Variants in PPIA observed in about 807,000 individuals in gnomAD.
The protein encoded by PPIA is peptidylprolyl isomerase A, also known as peptidyl-prolyl cis-trans isomerase A.
PPIA carries 2 observed loss-of-function variants against 15.3 expected under a neutral mutation model. The observed-to-expected ratio is 0.13, with a 90% CI of 0.05 to 0.41. The LOEUF (loss-of-function observed/expected upper bound fraction) is 0.41, where lower values mean the gene tolerates loss of function less well. PPIA is among the 10% of genes least tolerant of loss of function. The pLI, the probability that PPIA is intolerant of heterozygous loss-of-function variation, is 0.99. For synonymous variants in PPIA, 67 were observed against 73.1 expected (o/e 0.92, Z 0.43); for missense variants, 103 against 210.3 (o/e 0.49, Z 3.16).
At position 44,802,944 on chromosome 7, in the gene PPIA, T is replaced by C. The variant is rs1213449795; in HGVS notation, c.*1522T>C. The C allele has an allele frequency of 6.6e-6, 1 of 152,190 alleles. No individual in the cohort carries two copies. The highest frequency in any genetic ancestry group is 6.6e-5 in the Admixed American group (1 of 15,252). The allele number at this position is 152,190 out of a possible 1,614,324, so 9.4% of individuals were successfully genotyped here. A position where few individuals can be genotyped will look rare whatever the true frequency, so the allele number is the denominator to read the frequency against. Reference sequence around the variant, plus strand: ...GATCATTTGGTGTGTTGGGCAATTTTTGTTTTACTGTCTGGTTCCTTCTGC... The same window carrying C: ...GATCATTTGGTGTGTTGGGCAATTTCTGTTTTACTGTCTGGTTCCTTCTGC... On this transcript the variant is annotated 3_prime_UTR_variant, in exon 5 of 5. Transcript: ENST00000468812.
At position 44,796,712 on chromosome 7, in the gene PPIA, T is replaced by C. The variant is rs11539970; in HGVS notation, c.-13T>C. On this transcript the variant is annotated 5_prime_UTR_variant, in exon 1 of 5. Transcript: ENST00000468812. ...CAGACGCCACCGCCGAGGAAAACCG[T>C]GTACTATTAGCCATGGTCAACCCCA... 3.1e-6 allele frequency: 5 copies of C among 1,610,006 alleles called. No homozygotes were observed. The highest frequency in any genetic ancestry group is 2.2e-5 in the South Asian group (2 of 90,990).
rs367573962 is a variant in PPIA at position 44,799,242 on chromosome 7, T to C, written c.70-5T>C. On this transcript the variant is annotated splice_polypyrimidine_tract_variant and splice_region_variant and intron_variant, in intron 1 of 4. Transcript: ENST00000468812. Reference sequence around the variant, plus strand: ...ATGTTAATTAACTGTAATTTTCTCTTACAGCTGTTTGCAGACAAGGTCCCA... The same window carrying C: ...ATGTTAATTAACTGTAATTTTCTCTCACAGCTGTTTGCAGACAAGGTCCCA... The C allele has an allele frequency of 6.3e-5, 102 of 1,613,386 alleles. No homozygotes were observed. The highest frequency in any genetic ancestry group is 8.4e-5 in the Non-Finnish European group (99 of 1,179,758).
rs2116979757 is a variant in PPIA at position 44,797,039 on chromosome 7, G to A, written c.69+246G>A. Among the ~76,000 whole-genome samples, 3 of 152,250 alleles carry A rather than the reference G, an allele frequency of 2.0e-5. No homozygotes were observed. In the Middle Eastern group the frequency reaches 0.01, roughly 521 times the overall value. On this transcript the variant is annotated intron_variant, in intron 1 of 4. Coordinates refer to ENST00000468812, the MANE Select transcript of PPIA (RefSeq NM_021130.5). ...GAGGCCGTTGGGGGAGGGGGCCCGC[G>A]TCCGCCCGCCCGCCTCATGTGGCCG...
At chr7:44,801,253 T>A (rs1382064158) in intron 4 of PPIA, 34 bp from the exon 5 acceptor site, 1 of 1,610,092 alleles carries the variant, frequency 6.2e-7, no homozygotes, top group Non-Finnish European at 8.5e-7. Context: ...TTGTTTGTGG[T>A]TGCCAGTCAT....
intron 1 of PPIA, among the ~76,000 whole-genome samples, chr7:44,796,995 A>G (rs1392431679): frequency 1.3e-5 from 2 of 152,022 alleles, no homozygotes; most frequent in Non-Finnish European, 2.9e-5. Context: ...CGGCGGACAA[A>G]GGCAGGCGGG....
In PPIA at chr7:44,796,697, C is replaced by A. The variant is rs369225394; in HGVS notation, c.-28C>A. 5.0e-6 allele frequency: 8 copies of A among 1,607,328 alleles called. No homozygotes were observed. In the African/African-American group the frequency reaches 9.4e-5, roughly 19 times the overall value. ...GCTCGTGCCGTTTTGCAGACGCCAC[C>A]GCCGAGGAAAACCGTGTACTATTAG... is the stretch of plus-strand genomic sequence containing the variant. On this transcript the variant is annotated 5_prime_UTR_variant, in exon 1 of 5. Transcript: ENST00000468812.
rs2116994664 is a variant in PPIA at position 44,802,656 on chromosome 7, A to G, written c.*1234A>G. The G allele has an allele frequency of 6.6e-6, 1 of 152,290 alleles. No individual in the cohort carries two copies. Among genetic ancestry groups the G allele is most frequent in the Middle Eastern group, 3.4e-3 (1 of 294 alleles). 9.4% of individuals were successfully genotyped at this position (152,290 alleles called of 1,614,324 possible). A position where few individuals can be genotyped will look rare whatever the true frequency, so the allele number is the denominator to read the frequency against. On this transcript the variant is annotated 3_prime_UTR_variant, in exon 5 of 5. Coordinates refer to ENST00000468812, the MANE Select transcript of PPIA (RefSeq NM_021130.5). ...CCTGCAGTGAGGAGGTACTGCTTGTAGCATATAGAGCCTCTCCCTAGCTTT... is the reference window on the plus strand; with the variant it reads ...CCTGCAGTGAGGAGGTACTGCTTGTGGCATATAGAGCCTCTCCCTAGCTTT...
At chr7:44,797,073 C>T (rs989058476) in intron 1 of PPIA, among the ~76,000 whole-genome samples, 1 of 152,214 alleles carries the variant, frequency 6.6e-6, no homozygotes, top group African/African-American at 2.4e-5. Context: ...CGCGCCCTGT[C>T]CTGTCCGACG....
At chr7:44,796,888 C>A in intron 1 of PPIA, 95 bp downstream of exon 1, 1 of 1,349,876 alleles carries the variant, frequency 7.4e-7, no homozygotes, top group South Asian at 1.4e-5. Context: ...GCGGGGCGAC[C>A]CTGCTTGAGG....
At position 44,801,354 on chromosome 7, in the gene PPIA, C is replaced by T; in HGVS notation, c.430C>T (p.Arg144Cys). 6 of 1,602,640 alleles carry T rather than the reference C, an allele frequency of 3.7e-6. 1 individual carries two copies. The highest frequency in any genetic ancestry group is 3.3e-5 in the South Asian group (3 of 90,872). Residue 144 changes from arginine to cysteine, a missense_variant, in exon 5 of 5, where the codon CGC (arginine) becomes TGC (cysteine). Arg to Cys is a radical substitution (Grantham distance 180, BLOSUM62 -3). Transcript: ENST00000468812. ...CATGAATATTGTGGAGGCCATGGAG[C>T]GCTTTGGGTCCAGGAATGGCAAGAC... The part of the protein sequence containing the change: ...EGMNIVEAME[R>C]FGSRNGKTSK...
Position 44,799,448 on chromosome 7 carries a change from T to A in PPIA, c.157T>A (p.Phe53Ile), listed in dbSNP as rs779548625. ...EKGFGYKGSC[F>I]HRIIPGFMCQ... is the part of the protein sequence containing the mutation. ...AGGATTTGGTTATAAGGGTTCCTGCTTTCACAGAATTATTCCAGGGTTTAT... is the reference window on the plus strand; with the variant it reads ...AGGATTTGGTTATAAGGGTTCCTGCATTCACAGAATTATTCCAGGGTTTAT... The change falls in exon 3 of 5, where the codon TTT becomes ATT. Residue 53 changes from phenylalanine to isoleucine, a missense_variant. Transcript: ENST00000468812. The A allele has an allele frequency of 2.5e-6, 4 of 1,612,908 alleles. No individual in the cohort carries two copies. The highest frequency in any genetic ancestry group is 3.4e-6 in the Non-Finnish European group (4 of 1,179,942).
At chr7:44,799,521 C>T (rs1414024321) in intron 3 of PPIA, 41 bp downstream of exon 3, 3 of 1,599,922 alleles carry the variant, frequency 1.9e-6, no homozygotes, top group Non-Finnish European at 2.6e-6. Context: ...GGGTTGCTCC[C>T]TTCATTTGGG....
At position 44,801,590 on chromosome 7, in the gene PPIA, A is replaced by T; in HGVS notation, c.*168A>T. 1 of 562,054 alleles carries T rather than the reference A, an allele frequency of 1.8e-6. No individual in the cohort carries two copies. Among genetic ancestry groups the T allele is most frequent in the Non-Finnish European group, 3.2e-6 (1 of 317,224 alleles). 34.8% of individuals were successfully genotyped at this position (562,054 alleles called of 1,614,324 possible). On this transcript the variant is annotated 3_prime_UTR_variant, in exon 5 of 5. Coordinates refer to ENST00000468812, the MANE Select transcript of PPIA (RefSeq NM_021130.5). The stretch of plus-strand genomic sequence containing the variant: ...CCTCCCATGCCTAGCTGGATTGCAG[A>T]GTTAAGTTTATGATTATGAAATAAA...
intron 4 of PPIA, among the ~76,000 whole-genome samples, chr7:44,801,076 C>G (rs1044012604): frequency 6.6e-6 from 1 of 151,978 alleles, no homozygotes; most frequent in African/African-American, 2.4e-5. Flanking sequence ...CTTGGCCTCC[C>G]AAAGTGCTGG....
At chr7:44,800,881 G>C (rs182956448) in intron 4 of PPIA, among the ~76,000 whole-genome samples, 2 of 151,904 alleles carry the variant, frequency 1.3e-5, no homozygotes, top group African/African-American at 4.8e-5. Flanking sequence ...GCAGTGGCGC[G>C]ATCTCGGCTC....
In PPIA at chr7:44,799,011, C is replaced by G; in HGVS notation, c.70-236C>G. On this transcript the variant is annotated intron_variant, in intron 1 of 4. Transcript: ENST00000468812. ...AAAGTTTGAGACACTTTCTAGAAGT[C>G]TCACTATTTAAGTTATGACTAGTAT... 5.1e-6 allele frequency: 6 copies of G among 1,166,406 alleles called. No individual in the cohort carries two copies. The South Asian group carries it at 1.2e-4, about 23-fold the overall frequency. 72.3% of individuals were successfully genotyped at this position (1,166,406 alleles called of 1,614,324 possible).
At position 44,799,251 on chromosome 7, in the gene PPIA, T is replaced by G; in HGVS notation, c.74T>G (p.Phe25Cys). 6.2e-7 allele frequency: 1 copy of G among 1,613,700 alleles called. No individual in the cohort carries two copies. The highest frequency in any genetic ancestry group is 8.5e-7 in the Non-Finnish European group (1 of 1,179,852). ...EPLGRVSFELFADKVPKTAEN... is the reference protein window; with the variant it reads ...EPLGRVSFELCADKVPKTAEN... ...AACTGTAATTTTCTCTTACAGCTGTTTGCAGACAAGGTCCCAAAGACAGCA... is the reference window on the plus strand; with the variant it reads ...AACTGTAATTTTCTCTTACAGCTGTGTGCAGACAAGGTCCCAAAGACAGCA... The change falls in exon 2 of 5, where the codon TTT becomes TGT. Residue 25 changes from phenylalanine (F) to cysteine (C), a missense_variant. Transcript: ENST00000468812.
At chr7:44,799,338 T>G (rs1168009823) in intron 2 of PPIA, 54 bp from the exon 3 acceptor site, 33 of 1,602,084 alleles carry the variant, frequency 2.1e-5, no homozygotes, top group Non-Finnish European at 2.6e-5. Flanking sequence ...TGTGTGTGTG[T>G]GTATATATAT....
intron 3 of PPIA, 48 bp from the exon 4 acceptor site, chr7:44,799,654 C>A: frequency 1.2e-6 from 2 of 1,611,192 alleles, no homozygotes; most frequent in Non-Finnish European, 1.7e-6. Context: ...ATTTGGCACA[C>A]TTCATGGTTA....
Sources: gnomAD v4.1 joint callset for allele counts (sites outside exome capture counted in the v4.1 genomes callset) on GRCh38, gnomAD v4.1.1 for gene constraint, MANE v1.5 for transcripts, NCBI Gene and HGNC (gene_info 2026-07-23, HGNC 2026-07-21) for gene names.